Variants in MAP4K5 observed in about 807,000 individuals in gnomAD.
MAP4K5 encodes the protein mitogen-activated protein kinase kinase kinase kinase 5.
Under a neutral mutation model 135.6 loss-of-function variants are expected in MAP4K5, and 82 were observed. The ratio of observed to expected loss-of-function variants is 0.60; its 90% CI spans 0.51 to 0.73. MAP4K5 has a LOEUF of 0.73. Among genes scored for constraint, MAP4K5 ranks in the 30% least tolerant of loss-of-function variants. MAP4K5 has a pLI of 0.00. For synonymous variants in MAP4K5, 347 were observed against 335.0 expected (o/e 1.04, Z -0.39); for missense variants, 907 against 1,010.9 (o/e 0.90, Z 1.39).
intron 2 of MAP4K5, among the ~76,000 whole-genome samples, chr14:50,510,538 G>A (rs1462102054): frequency 6.6e-6 from 1 of 152,104 alleles, no homozygotes. Flanking sequence ...CATGGTTGTA[G>A]GAAGGTTATT....
chr14:50,560,555 C>G lies in MAP4K5; in HGVS notation c.-180+485G>C, dbSNP rs537922816. 5.2e-4 allele frequency: 275 copies of G among 533,844 alleles called. 2 individuals are homozygous for G. The highest frequency in any genetic ancestry group is 3.3e-3 in the African/African-American group (174 of 52,328). The allele number at this position is 533,844 out of a possible 1,614,324, so 33.1% of individuals were successfully genotyped here. A position where few individuals can be genotyped will look rare whatever the true frequency, so the allele number is the denominator to read the frequency against. ...CCTCCAGCTCCTTCTTCCCCACCCC[C>G]CTCCCGCCTCCTCCCAGCATTTGGA... On this transcript the variant is annotated intron_variant, in intron 1 of 8. Coordinates refer to the MAP4K5 transcript ENST00000555216.
upstream of MAP4K5, among the ~76,000 whole-genome samples, chr14:50,535,495 C>G (rs985570134): frequency 6.6e-6 from 1 of 152,218 alleles, no homozygotes; most frequent in African/African-American, 2.4e-5. Context: ...GTTGACTGCT[C>G]TATAGATCTG....
chr14:50,496,621 G>A (rs1455606732), intron 3 of MAP4K5, among the ~76,000 whole-genome samples: 3 of 151,582 alleles, frequency 2.0e-5, no homozygotes, highest in Non-Finnish European at 4.4e-5. Flanking sequence ...TGATCCTCCT[G>A]CCTCAGTGTC....
At chr14:50,459,697 CTCTTT>C (rs2036667591) in intron 13 of MAP4K5, among the ~76,000 whole-genome samples, 1 of 142,176 alleles carries the variant, frequency 7.0e-6, no homozygotes, top group African/African-American at 2.5e-5. Context: ...TTCTTTCTTT[CTCTTT>C]TTTTTTTTTT....
chr14:50,432,576 AC>A lies in MAP4K5; in HGVS notation c.2164+1817del, dbSNP rs1229146830. On this transcript the variant is annotated intron_variant, in intron 28 of 32. Coordinates refer to ENST00000682126, the MANE Select transcript of MAP4K5 (RefSeq NM_006575.6). ...ACTCTCAAAAAAAAAAAAAAAAAAAACAAAAAAACGCAAACTCAAACATACC... is the reference window on the plus strand; with the variant it reads ...ACTCTCAAAAAAAAAAAAAAAAAAAAAAAAAAACGCAAACTCAAACATACC... Among the ~76,000 whole-genome samples the A allele has an allele frequency of 5.1e-3, 712 of 139,926 alleles. 24 individuals are homozygous for A. The highest frequency in any genetic ancestry group is 0.021 in the African/African-American group (660 of 31,894). The allele number at this position is 139,926 out of a possible 152,430, so 91.8% of individuals were successfully genotyped here. A position where few individuals can be genotyped will look rare whatever the true frequency, so the allele number is the denominator to read the frequency against.
intron 3 of MAP4K5, among the ~76,000 whole-genome samples, chr14:50,491,879 G>A (rs7154009): frequency 0.99 from 151,068 of 152,002 alleles, 75,081 homozygotes; most frequent in Middle Eastern, 1. Context: ...TAGAGCCTGA[G>A]TTTTGCCATG....
intron 22 of MAP4K5, 94 bp downstream of exon 22, chr14:50,440,268 T>C: frequency 1.2e-6 from 1 of 854,162 alleles, no homozygotes. Flanking sequence ...ATCATAAAAA[T>C]TAAAATTGGG....
chr14:50,480,314 C>T (rs2037208657), intron 6 of MAP4K5, among the ~76,000 whole-genome samples: 1 of 151,928 alleles, frequency 6.6e-6, no homozygotes, highest in Non-Finnish European at 1.5e-5. Context: ...AATTCAATGA[C>T]ACTCTGTTAT....
chr14:50,506,136 A>AT (rs2037804578), intron 2 of MAP4K5, among the ~76,000 whole-genome samples: 1 of 152,232 alleles, frequency 6.6e-6, no homozygotes, highest in Non-Finnish European at 1.5e-5. Context: ...GATAAAATAG[A>AT]AAAGTATAGT....
intron 3 of MAP4K5, among the ~76,000 whole-genome samples, chr14:50,503,979 A>G (rs369829359): frequency 1.8e-4 from 28 of 152,158 alleles, no homozygotes; most frequent in East Asian, 1.3e-3. Context: ...GAGTATTATT[A>G]TAACAATTTC....
At chr14:50,468,100 C>T (rs2036872461) in intron 10 of MAP4K5, among the ~76,000 whole-genome samples, 1 of 151,806 alleles carries the variant, frequency 6.6e-6, no homozygotes, top group South Asian at 2.1e-4. Context: ...TAATTATATT[C>T]AGCATAGATA....
chr14:50,492,331 C>T (rs763244928), intron 3 of MAP4K5, among the ~76,000 whole-genome samples: 5 of 152,206 alleles, frequency 3.3e-5, no homozygotes, highest in South Asian at 2.1e-4. Context: ...CAGAGGCTCA[C>T]GCATAATCCC....
intron 11 of MAP4K5, among the ~76,000 whole-genome samples, chr14:50,464,475 C>T (rs567540392): frequency 2.0e-4 from 30 of 152,014 alleles, no homozygotes; most frequent in Non-Finnish European, 3.8e-4. Flanking sequence ...AAATATTGTG[C>T]TATACCAAAA....
At chr14:50,528,382 T>G (rs2038312592) in intron 2 of MAP4K5, among the ~76,000 whole-genome samples, 2 of 142,648 alleles carry the variant, frequency 1.4e-5, no homozygotes, top group African/African-American at 5.3e-5. Context: ...AAGCTTCTGC[T>G]TCAAAAGATA....
chr14:50,499,959 T>C (rs2037673178), intron 3 of MAP4K5, among the ~76,000 whole-genome samples: 2 of 152,212 alleles, frequency 1.3e-5, no homozygotes, highest in Admixed American at 6.5e-5. Context: ...AGGCCTTACA[T>C]TTCTTTCCAA....
At chr14:50,541,427 G>C (rs559618239) in intron 2 of MAP4K5, among the ~76,000 whole-genome samples, 159 of 152,294 alleles carry the variant, frequency 1.0e-3, no homozygotes, top group Admixed American at 3.7e-3. Flanking sequence ...TTCTAACAAG[G>C]AAGTAGTGCT....
In MAP4K5 at chr14:50,429,215, T is replaced by A; in HGVS notation, c.2210A>T (p.Asp737Val). ...ACTGTCTAAACACACTAAAACGGTA[T>A]CTCTCTCCAACTGTGTTACATGAAT... ...DSIHVTQLER[D>V]TVLVCLDKFV... The change falls in exon 29 of 33, where the codon GAT (aspartate) becomes GTT (valine). Residue 737 changes from aspartate to valine, a missense_variant. By Grantham distance (152) the Asp-to-Val change is radical (BLOSUM62 -3). Around this residue, in one of 3 missense-constraint regions of MAP4K5, gnomAD observed 690 missense variants for 777.4 expected, o/e 0.89. Transcript: ENST00000682126. 3 of 1,560,906 alleles carry A rather than the reference T, an allele frequency of 1.9e-6. No individual in the cohort carries two copies. The highest frequency in any genetic ancestry group is 2.6e-6 in the Non-Finnish European group (3 of 1,150,728).
intron 2 of MAP4K5, among the ~76,000 whole-genome samples, chr14:50,526,503 C>T (rs1712936664): frequency 6.6e-6 from 1 of 152,174 alleles, no homozygotes; most frequent in African/African-American, 2.4e-5. Flanking sequence ...GCCATGTTGG[C>T]CAGGCTGGTC....
chr14:50,536,196 G>C (rs981188025), upstream of MAP4K5, among the ~76,000 whole-genome samples: 1 of 152,222 alleles, frequency 6.6e-6, no homozygotes, highest in African/African-American at 2.4e-5. Context: ...TGTAATCCCA[G>C]CACTTTGGGA....
Sources: gnomAD v4.1 joint callset for allele counts (sites outside exome capture counted in the v4.1 genomes callset) on GRCh38, gnomAD v4.1.1 for gene constraint, gnomAD v4.1.1 regional missense constraint, MANE v1.5 for transcripts, NCBI Gene and HGNC (gene_info 2026-07-23, HGNC 2026-07-21) for gene names.